Variants in RBKS observed in about 807,000 individuals in gnomAD.
RBKS encodes the protein ribokinase.
In RBKS, 33 loss-of-function variants were observed where a neutral mutation model predicts 33.9. That is an observed-to-expected ratio of 0.97 (90% confidence interval 0.74 to 1.30). The LOEUF (loss-of-function observed/expected upper bound fraction) is 1.30. RBKS is among the 50% of genes most tolerant of loss of function. The pLI, the probability that RBKS is intolerant of heterozygous loss-of-function variation, is 0.00. For missense variants in RBKS, 361 were observed against 392.6 expected, an observed-to-expected ratio of 0.92 and a Z score of 0.68; for synonymous variants, 125 against 143.0, an observed-to-expected ratio of 0.87 and a Z score of 0.90.
intron 1 of RBKS, among the ~76,000 whole-genome samples, chr2:27,885,886 T>C (rs1367292406): frequency 6.6e-6 from 1 of 152,146 alleles, no homozygotes; most frequent in Admixed American, 6.5e-5. Context: ...AAAAAATGGG[T>C]GATACAGGTC....
intron 4 of RBKS, among the ~76,000 whole-genome samples, chr2:27,844,725 T>A (rs573880702): frequency 1.3e-5 from 2 of 152,316 alleles, no homozygotes; most frequent in Admixed American, 6.5e-5. Flanking sequence ...CACACTGTAA[T>A]GATAATATTT....
At chr2:27,869,109 AG>A (rs1664155304) in intron 1 of RBKS, among the ~76,000 whole-genome samples, 3 of 152,240 alleles carry the variant, frequency 2.0e-5, no homozygotes, top group Admixed American at 6.5e-5. Context: ...CAGGATTCAA[AG>A]CAAGGTTGAT....
At chr2:27,863,095 T>C (rs1664022244) in intron 1 of RBKS, among the ~76,000 whole-genome samples, 1 of 152,164 alleles carries the variant, frequency 6.6e-6, no homozygotes, top group Admixed American at 6.5e-5. Flanking sequence ...TAGAAATACA[T>C]TGTTACTACC....
chr2:27,808,961 ATAAAATGAAACTCTTTG>A (rs1168417808), intron 7 of RBKS, among the ~76,000 whole-genome samples: 1 of 152,232 alleles, frequency 6.6e-6, no homozygotes, highest in Non-Finnish European at 1.5e-5. Context: ...GGAACTGGAG[ATAAAATGAAACTCTTTG>A]TTTTTTCACA....
In RBKS at chr2:27,890,362, T is replaced by G. The variant is rs376141839; in HGVS notation, c.-17A>C. The G allele has an allele frequency of 1.2e-5, 19 of 1,610,760 alleles. No homozygotes were observed. In the South Asian group the frequency reaches 1.9e-4, roughly 16 times the overall value. On this transcript the variant is annotated 5_prime_UTR_variant, in exon 1 of 8. Transcript: ENST00000302188. The surrounding 1 kb of genome is among the most constrained non-coding windows in gnomAD (Gnocchi z 4.8). ...CGCCGCCATCGCTCAAAGGTGCTGC[T>G]GTCCAACCTGGACGGTGACCTCTGC...
intron 5 of RBKS, among the ~76,000 whole-genome samples, chr2:27,839,108 C>T (rs186854807): frequency 9.2e-5 from 14 of 152,222 alleles, no homozygotes; most frequent in Admixed American, 8.5e-4. Context: ...CTTTGCTGTC[C>T]ATTACTCTAG....
chr2:27,825,517 C>A (rs1678295226), intron 7 of RBKS, among the ~76,000 whole-genome samples: 1 of 152,290 alleles, frequency 6.6e-6, no homozygotes, highest in South Asian at 2.1e-4. Context: ...TATATTAAAA[C>A]ACACTGGACA....
intron 7 of RBKS, among the ~76,000 whole-genome samples, chr2:27,794,717 G>A (rs907874123): frequency 4.7e-5 from 7 of 149,238 alleles, no homozygotes; most frequent in East Asian, 2.0e-4. Context: ...TCTGCCTCCC[G>A]GGTTCAAGCA....
chr2:27,823,566 C>T (rs1678256845), intron 7 of RBKS, among the ~76,000 whole-genome samples: 1 of 152,174 alleles, frequency 6.6e-6, no homozygotes, highest in Non-Finnish European at 1.5e-5. Context: ...AAGAAAATGC[C>T]TCCCTGGGAG....
chr2:27,799,521 G>A (rs955823996), intron 7 of RBKS, among the ~76,000 whole-genome samples: 15 of 152,208 alleles, frequency 9.9e-5, no homozygotes, highest in African/African-American at 3.6e-4. Context: ...CTGTGGACAT[G>A]AATTCCTCAG....
At chr2:27,790,485 A>G (rs1323375094) in intron 7 of RBKS, among the ~76,000 whole-genome samples, 1 of 152,226 alleles carries the variant, frequency 6.6e-6, no homozygotes, top group Non-Finnish European at 1.5e-5. Flanking sequence ...CTTCAAAAGA[A>G]TATCAAAAGA....
intron 7 of RBKS, among the ~76,000 whole-genome samples, chr2:27,826,683 A>G (rs541245232): frequency 8.1e-4 from 123 of 152,180 alleles, no homozygotes; most frequent in African/African-American, 2.9e-3. Flanking sequence ...TGGGACTACA[A>G]GTGTGAAGTG....
chr2:27,859,477 A>T (rs1349358364), intron 1 of RBKS, among the ~76,000 whole-genome samples: 1 of 152,230 alleles, frequency 6.6e-6, no homozygotes, highest in African/African-American at 2.4e-5. Flanking sequence ...GGTTTGATCC[A>T]GGGTAAGATT....
intron 7 of RBKS, among the ~76,000 whole-genome samples, chr2:27,802,713 G>C (rs11891769): frequency 0.36 from 54,546 of 151,906 alleles, 12,183 homozygotes; most frequent in East Asian, 0.62. Context: ...GAAATCCCTA[G>C]CTCTGTCAGC....
At chr2:27,828,328 A>G (rs1678357803) in intron 6 of RBKS, among the ~76,000 whole-genome samples, 2 of 151,924 alleles carry the variant, frequency 1.3e-5, no homozygotes, top group African/African-American at 4.8e-5. Flanking sequence ...GTTGGAGGGG[A>G]GGCAGGAAAG....
intron 4 of RBKS, 86 bp from the exon 5 acceptor site, chr2:27,843,317 G>T: frequency 1.0e-6 from 1 of 1,003,926 alleles, no homozygotes; most frequent in South Asian, 1.9e-5. Flanking sequence ...AATCGCCCTT[G>T]TAAAGTCATT....
intron 7 of RBKS, among the ~76,000 whole-genome samples, chr2:27,789,951 A>ATATATATATATATATATGTG (rs1558533091): frequency 5.4e-5 from 6 of 111,400 alleles, no homozygotes; most frequent in African/African-American, 2.2e-4. Flanking sequence ...GTATATGTGT[A>ATATATATATATATATATGTG]TATATATATA....
intron 7 of RBKS, among the ~76,000 whole-genome samples, chr2:27,797,591 T>C (rs1274750385): frequency 6.6e-6 from 1 of 152,094 alleles, no homozygotes; most frequent in Non-Finnish European, 1.5e-5. Flanking sequence ...ATGTTTTCCA[T>C]AGTGATGAAG....
intron 7 of RBKS, among the ~76,000 whole-genome samples, chr2:27,811,818 G>T (rs942161203): frequency 4.6e-5 from 7 of 152,128 alleles, no homozygotes; most frequent in African/African-American, 1.7e-4. Context: ...TAATCATGGG[G>T]CTTGGGTTTT....
Sources: allele counts gnomAD v4.1 joint callset (sites outside exome capture counted in the v4.1 genomes callset), GRCh38; gene constraint gnomAD v4.1.1; non-coding constraint Gnocchi (gnomAD v3.1); transcripts MANE v1.5; gene names NCBI Gene and HGNC (gene_info 2026-07-23, HGNC 2026-07-21).